Variants in HYDIN observed in about 807,000 individuals in gnomAD.
HYDIN encodes HYDIN axonemal central pair apparatus protein.
In HYDIN, 132 loss-of-function variants were observed where a neutral mutation model predicts 403.9. That is an observed-to-expected ratio of 0.33 (90% CI 0.28 to 0.38). The LOEUF (loss-of-function observed/expected upper bound fraction) is 0.38, where lower values mean the gene tolerates loss of function less well. Among genes scored for constraint, HYDIN ranks in the 10% least tolerant of loss-of-function variants. HYDIN has a pLI of 1.00. For missense variants in HYDIN, 2,827 were observed against 5,009.5 expected, an observed-to-expected ratio of 0.56 and a Z score of 13.15; for synonymous variants, 1,202 against 1,891.7, an observed-to-expected ratio of 0.64 and a Z score of 9.46.
At chr16:71,203,625 A>C (rs1335606989) in intron 1 of HYDIN, 1 of 402,186 alleles carries the variant, frequency 2.5e-6, no homozygotes, top group Non-Finnish European at 4.9e-6. Context: ...AATTAAGAAA[A>C]ATTGCTGGAT....
Position 71,027,615 on chromosome 16 carries a change from G to C in HYDIN, c.3029C>G (p.Ser1010Cys). 6.2e-7 allele frequency: 1 copy of C among 1,613,934 alleles called. No homozygotes were observed. Among genetic ancestry groups the C allele is most frequent in the Non-Finnish European group, 8.5e-7 (1 of 1,179,998 alleles). Residue 1010 changes from serine to cysteine, a missense_variant, in exon 20 of 86, where the codon TCT (serine) becomes TGT (cysteine). Transcript: ENST00000393567. ...QAIDVILEGY[S>C]ATPRIVKEKL... ...CTATCCCCTTACCCTGGGAGTAGCA[G>C]AATAGCCTTCGAGTATCACATCAAT...
At chr16:70,810,266 C>T (rs967734069) in intron 84 of HYDIN, among the ~76,000 whole-genome samples, 2 of 152,140 alleles carry the variant, frequency 1.3e-5, no homozygotes, top group African/African-American at 4.8e-5. Flanking sequence ...TCCTGAGAAG[C>T]GCACATAGGG....
At position 70,803,729 on chromosome 16, in the gene HYDIN, A is replaced by AAGGTATT. The variant is rs2034991379; in HGVS notation, c.*3844_*3850dup. Among the ~76,000 whole-genome samples, 1 of 152,228 alleles carries AAGGTATT rather than the reference A, an allele frequency of 6.6e-6. No homozygotes were observed. ...CTGGAGTTTCAGGGCAACAGGGTTT[A>AAGGTATT]AGGTATTAGGTAGAGGTCTTGAAAT... is the stretch of plus-strand genomic sequence containing the variant. On this transcript the variant is annotated 3_prime_UTR_variant, in exon 86 of 86. Transcript: ENST00000393567.
intron 41 of HYDIN, among the ~76,000 whole-genome samples, chr16:70,947,857 A>G (rs1345223141): frequency 3.3e-5 from 5 of 150,860 alleles, no homozygotes; most frequent in South Asian, 4.2e-4. Context: ...GGAAGAATCA[A>G]TATCGTGAAA....
In HYDIN at chr16:70,992,087, A is replaced by G; in HGVS notation, c.3768T>C (p.Asp1256=). Residue 1256 remains aspartate, a synonymous_variant, in exon 24 of 86, where the codon GAT becomes GAC. Coordinates refer to ENST00000393567, the MANE Select transcript of HYDIN (RefSeq NM_001270974.2). Reference sequence around the variant, plus strand: ...GCACTTACTTAACAAAATCATTTAAATCCATCTCGGGGGACTCTACTGTAA... The same window carrying G: ...GCACTTACTTAACAAAATCATTTAAGTCCATCTCGGGGGACTCTACTGTAA... ...ILVTVESPEM[D]LNDFVKTVLV... is the part of the protein sequence containing the mutation. 6.2e-7 allele frequency: 1 copy of G among 1,613,734 alleles called. No individual in the cohort carries two copies. The highest frequency in any genetic ancestry group is 8.5e-7 in the Non-Finnish European group (1 of 1,179,854).
At chr16:70,883,024 G>A in intron 59 of HYDIN, 129 bp from the exon 60 acceptor site, 1 of 693,764 alleles carries the variant, frequency 1.4e-6, no homozygotes. Flanking sequence ...GTCATGCAAG[G>A]GGGTGTGAGG....
At chr16:71,067,213 C>T in intron 15 of HYDIN, 77 bp downstream of exon 15, 1 of 714,150 alleles carries the variant, frequency 1.4e-6, no homozygotes. Flanking sequence ...GTTGGCAGGC[C>T]AGCTGCCTTC....
chr16:71,158,557 T>C (rs1400164171), intron 6 of HYDIN, among the ~76,000 whole-genome samples: 2 of 149,754 alleles, frequency 1.3e-5, no homozygotes, highest in Admixed American at 6.6e-5. Flanking sequence ...GTTCCCGCAC[T>C]TGCATATCCA....
intron 1 of HYDIN, among the ~76,000 whole-genome samples, chr16:71,196,431 T>C (rs977609341): frequency 3.3e-5 from 5 of 152,200 alleles, no homozygotes; most frequent in Non-Finnish European, 7.3e-5. Flanking sequence ...TATCAATCTC[T>C]TGCCCTCAGT....
At chr16:71,062,721 T>C (rs1568086740) in intron 16 of HYDIN, 1 of 154,366 alleles carries the variant, frequency 6.5e-6, no homozygotes. Flanking sequence ...TAGAGGCTGC[T>C]GGTGTTTCCT....
chr16:70,970,807 A>C, intron 35 of HYDIN, 48 bp from the exon 36 acceptor site: 1 of 1,584,722 alleles, frequency 6.3e-7, no homozygotes, highest in Non-Finnish European at 8.6e-7. Flanking sequence ...TTTCCATTAC[A>C]TGTCATGTAA....
intron 37 of HYDIN, among the ~76,000 whole-genome samples, chr16:70,962,919 T>C (rs908347772): frequency 2.7e-5 from 4 of 150,038 alleles, no homozygotes; most frequent in Admixed American, 2.7e-4. Context: ...AGAGAGGCAC[T>C]GGTGAGAAGC....
At chr16:71,014,408 C>T (rs549441775) in intron 23 of HYDIN, among the ~76,000 whole-genome samples, 19 of 147,014 alleles carry the variant, frequency 1.3e-4, no homozygotes, top group African/African-American at 4.7e-4. Context: ...CATCGATTCT[C>T]CCTCTGTCAG....
chr16:71,195,532 A>C (rs1451922222), intron 1 of HYDIN, among the ~76,000 whole-genome samples: 1 of 152,194 alleles, frequency 6.6e-6, no homozygotes, highest in Non-Finnish European at 1.5e-5. Flanking sequence ...CTAGGCATTC[A>C]CTGAGTATAA....
At chr16:70,951,248 CAGAGAG>C (rs376262243) in intron 41 of HYDIN, among the ~76,000 whole-genome samples, 16 of 130,402 alleles carry the variant, frequency 1.2e-4, no homozygotes, top group African/African-American at 2.2e-4. Context: ...GGAAAAGGGA[CAGAGAG>C]AGAGAGAGAG....
At chr16:70,980,233 G>A (rs1247937729) in intron 29 of HYDIN, among the ~76,000 whole-genome samples, 1 of 149,744 alleles carries the variant, frequency 6.7e-6, no homozygotes, top group Non-Finnish European at 1.5e-5. Flanking sequence ...CAGGCATTGT[G>A]GCTCAACACC....
At chr16:71,181,847 C>A (rs774745473) in intron 3 of HYDIN, among the ~76,000 whole-genome samples, 1 of 151,720 alleles carries the variant, frequency 6.6e-6, no homozygotes, top group Non-Finnish European at 1.5e-5. Context: ...GAAGCTCAAG[C>A]GATCATACAA....
chr16:71,075,234 A>T (rs539216176), intron 13 of HYDIN, among the ~76,000 whole-genome samples: 2 of 152,280 alleles, frequency 1.3e-5, no homozygotes, highest in Non-Finnish European at 2.9e-5. Context: ...CAAATGGTTC[A>T]ATAAGATATT....
chr16:71,126,842 C>A (rs1177065723), intron 9 of HYDIN, among the ~76,000 whole-genome samples: 1 of 151,968 alleles, frequency 6.6e-6, no homozygotes, highest in African/African-American at 2.4e-5. Context: ...TCTAAAAATC[C>A]TTTCCCAACT....
Sources: gnomAD v4.1 joint callset for allele counts (sites outside exome capture counted in the v4.1 genomes callset) on GRCh38, gnomAD v4.1.1 for gene constraint, MANE v1.5 for transcripts, NCBI Gene and HGNC (gene_info 2026-07-23, HGNC 2026-07-21) for gene names.